CAST: variants seen among roughly 807,000 people sequenced by gnomAD.
CAST encodes the protein MIR583 host.
Under a neutral mutation model 119.6 loss-of-function variants are expected in CAST, and 76 were observed. The ratio of observed to expected loss-of-function variants is 0.64; its 90% CI spans 0.53 to 0.77. The LOEUF (loss-of-function observed/expected upper bound fraction) is 0.77, where lower values mean the gene tolerates loss of function less well. Among genes scored for constraint, CAST ranks in the 30% least tolerant of loss-of-function variants. The pLI is 0.00. For synonymous variants in CAST, 319 were observed against 331.6 expected (o/e 0.96, Z 0.41); for missense variants, 953 against 946.5 (o/e 1.01, Z -0.09).
chr5:96,054,517 TG>T, the CAST span, among the ~76,000 whole-genome samples: 1 of 152,108 alleles, frequency 6.6e-6, no homozygotes, highest in Non-Finnish European at 1.5e-5. Context: ...AACCACGCAC[TG>T]GGAAGGGACA....
At chr5:96,750,149 A>G (rs1035963973) in intron 19 of CAST, among the ~76,000 whole-genome samples, 1 of 152,212 alleles carries the variant, frequency 6.6e-6, no homozygotes, top group African/African-American at 2.4e-5. Flanking sequence ...ACATAATGCT[A>G]TATTACATAA....
At chr5:96,296,077 T>A in the CAST span, among the ~76,000 whole-genome samples, 1 of 152,218 alleles carries the variant, frequency 6.6e-6, no homozygotes, top group Non-Finnish European at 1.5e-5. Context: ...TTCCTAAAGT[T>A]TTGTGCAAAT....
chr5:96,098,823 T>C, the CAST span, among the ~76,000 whole-genome samples: 7 of 152,216 alleles, frequency 4.6e-5, no homozygotes, highest in African/African-American at 1.4e-4. Context: ...TTTGGTTCCA[T>C]ATGAATTTTT....
intron 1 of CAST, among the ~76,000 whole-genome samples, chr5:96,642,681 ACAGGC>A (rs1465179024): frequency 2.0e-5 from 3 of 151,740 alleles, no homozygotes; most frequent in African/African-American, 7.3e-5. Context: ...AGCTAGGATT[ACAGGC>A]ACCCGGCACC....
At chr5:96,095,782 AG>A in the CAST span, among the ~76,000 whole-genome samples, 1 of 152,100 alleles carries the variant, frequency 6.6e-6, no homozygotes, top group Non-Finnish European at 1.5e-5. Context: ...TTCTTGACAA[AG>A]ACCCACTGAA....
the CAST span, among the ~76,000 whole-genome samples, chr5:96,410,507 G>A: frequency 6.6e-6 from 1 of 151,914 alleles, no homozygotes; most frequent in Admixed American, 6.6e-5. Context: ...TGGAGTCTCC[G>A]CTGTGTGTAA....
At chr5:96,388,306 C>G in the CAST span, among the ~76,000 whole-genome samples, 9 of 152,246 alleles carry the variant, frequency 5.9e-5, no homozygotes, top group African/African-American at 1.9e-4. Context: ...ACTGTTCTCT[C>G]TCAGGATGGC....
the CAST span, among the ~76,000 whole-genome samples, chr5:96,143,416 C>T: frequency 5.9e-5 from 9 of 152,226 alleles, no homozygotes. Flanking sequence ...CTTCCCCCAT[C>T]TAATCCCCTG....
the CAST span, among the ~76,000 whole-genome samples, chr5:96,265,646 A>T: frequency 6.6e-6 from 1 of 152,226 alleles, no homozygotes; most frequent in African/African-American, 2.4e-5. Context: ...AATGCTAATC[A>T]CTTCTAGAAA....
the CAST span, among the ~76,000 whole-genome samples, chr5:96,385,601 G>A: frequency 6.6e-6 from 1 of 152,176 alleles, no homozygotes; most frequent in Non-Finnish European, 1.5e-5. Flanking sequence ...TATAGAAAGT[G>A]TATGCTTAAT....
At chr5:96,289,968 G>A in the CAST span, among the ~76,000 whole-genome samples, 1 of 151,850 alleles carries the variant, frequency 6.6e-6, no homozygotes, top group South Asian at 2.1e-4. Context: ...ACTAAATGGA[G>A]TGATCCAATG....
chr5:96,217,221 T>TTTTTTTTTTTTTTTG, the CAST span, among the ~76,000 whole-genome samples: 1 of 149,596 alleles, frequency 6.7e-6, no homozygotes, highest in Admixed American at 6.7e-5. Flanking sequence ...TTTTTTTTTT[T>TTTTTTTTTTTTTTTG]ATAGAGATGA....
chr5:96,541,419 A>T lies in CAST; in HGVS notation c.60+11539A>T, dbSNP rs183047542. Among the ~76,000 whole-genome samples the T allele has an allele frequency of 1.8e-3, 267 of 152,218 alleles. 2 individuals carry two copies. The highest frequency in any genetic ancestry group is 6.0e-3 in the African/African-American group (249 of 41,530). ...GTTCATATTGCATATTTTCTTCCCC[A>T]GTCCTAGAAATGGCCATTTCTTTTC... On this transcript the variant is annotated intron_variant, in intron 1 of 11. Coordinates refer to the CAST transcript ENST00000505143.
the CAST span, among the ~76,000 whole-genome samples, chr5:96,388,175 C>A: frequency 6.6e-6 from 1 of 152,238 alleles, no homozygotes; most frequent in Non-Finnish European, 1.5e-5. Flanking sequence ...GCCTCCCTGG[C>A]ACATGCCATG....
chr5:95,987,987 C>A, the CAST span, among the ~76,000 whole-genome samples: 3 of 152,168 alleles, frequency 2.0e-5, no homozygotes, highest in Non-Finnish European at 4.4e-5. Context: ...GATCTACATT[C>A]TACAGGATCT....
chr5:96,349,880 T>A, the CAST span, among the ~76,000 whole-genome samples: 1 of 152,114 alleles, frequency 6.6e-6, no homozygotes, highest in Non-Finnish European at 1.5e-5. Context: ...AGGAAAGGAA[T>A]AAGCTAGTGC....
At chr5:96,460,847 A>C in the CAST span, among the ~76,000 whole-genome samples, 1 of 152,164 alleles carries the variant, frequency 6.6e-6, no homozygotes, top group African/African-American at 2.4e-5. Flanking sequence ...TCGATAGACC[A>C]CAAATTTTTT....
the CAST span, among the ~76,000 whole-genome samples, chr5:96,248,975 C>G: frequency 6.6e-6 from 1 of 152,322 alleles, no homozygotes; most frequent in Non-Finnish European, 1.5e-5. Flanking sequence ...TGGGGCTTCT[C>G]TACCTTCTGA....
At chr5:96,495,383 G>A in the CAST span, among the ~76,000 whole-genome samples, 1 of 152,004 alleles carries the variant, frequency 6.6e-6, no homozygotes, top group African/African-American at 2.4e-5. Context: ...AGCCCCGCAT[G>A]CATTAGGTAG....
Sources: allele counts gnomAD v4.1 joint callset (sites outside exome capture counted in the v4.1 genomes callset), GRCh38; gene constraint gnomAD v4.1.1; transcripts MANE v1.5; gene names NCBI Gene and HGNC (gene_info 2026-07-23, HGNC 2026-07-21).